Variants in TAFA1 observed in about 807,000 individuals in gnomAD.
The protein encoded by TAFA1 is TAFA chemokine like family member 1.
Under a neutral mutation model 18.5 loss-of-function variants are expected in TAFA1, and 4 were observed. That is an observed-to-expected ratio of 0.22 (90% CI 0.11 to 0.49). The LOEUF is 0.49. Among genes scored for constraint, TAFA1 ranks in the 20% least tolerant of loss-of-function variants. TAFA1 has a pLI of 0.98. For synonymous variants in TAFA1, 56 were observed against 55.2 expected, an observed-to-expected ratio of 1.01 and a Z score of -0.06; for missense variants, 147 against 169.0, an observed-to-expected ratio of 0.87 and a Z score of 0.72.
At chr3:68,178,529 G>C (rs1461131171) in intron 2 of TAFA1, among the ~76,000 whole-genome samples, 1 of 152,144 alleles carries the variant, frequency 6.6e-6, no homozygotes, top group Non-Finnish European at 1.5e-5. Flanking sequence ...GAGTGTTCAG[G>C]GAAGGCATCC....
intron 2 of TAFA1, among the ~76,000 whole-genome samples, chr3:68,366,741 T>A (rs1402156869): frequency 6.6e-6 from 1 of 152,238 alleles, no homozygotes; most frequent in Non-Finnish European, 1.5e-5. Flanking sequence ...AGAATGATTT[T>A]ACTCATCTAG....
chr3:68,015,822 A>G (rs1396238353), intron 2 of TAFA1, among the ~76,000 whole-genome samples: 1 of 152,204 alleles, frequency 6.6e-6, no homozygotes, highest in Non-Finnish European at 1.5e-5. Flanking sequence ...CTATGAATAA[A>G]GGCTACTTAT....
At chr3:68,276,476 G>T (rs2067800171) in intron 2 of TAFA1, among the ~76,000 whole-genome samples, 1 of 152,134 alleles carries the variant, frequency 6.6e-6, no homozygotes, top group East Asian at 1.9e-4. Context: ...TGTTGCAGAA[G>T]TTGTTGTGCC....
At chr3:68,102,119 C>A in intron 2 of TAFA1, among the ~76,000 whole-genome samples, 1 of 152,064 alleles carries the variant, frequency 6.6e-6, no homozygotes, top group South Asian at 2.1e-4. Context: ...CATTTTGACT[C>A]TGGAAGTTAT....
chr3:68,468,314 C>T (rs2106940487), intron 3 of TAFA1, among the ~76,000 whole-genome samples: 1 of 152,266 alleles, frequency 6.6e-6, no homozygotes, highest in East Asian at 1.9e-4. Context: ...AGGTGGTGCT[C>T]TGAAAATGGC....
chr3:68,135,162 A>G (rs73834841), intron 2 of TAFA1, among the ~76,000 whole-genome samples: 18,222 of 152,192 alleles, frequency 0.12, 1,139 homozygotes, highest in Middle Eastern at 0.17. Flanking sequence ...GCTTTGCTGA[A>G]TTACTTACAT....
At chr3:68,141,742 A>G (rs1300759187) in intron 2 of TAFA1, among the ~76,000 whole-genome samples, 1 of 152,230 alleles carries the variant, frequency 6.6e-6, no homozygotes, top group African/African-American at 2.4e-5. Context: ...AAGCAAGGCC[A>G]AACATTGAAA....
intron 3 of TAFA1, among the ~76,000 whole-genome samples, chr3:68,487,841 C>T (rs1338982525): frequency 7.1e-6 from 1 of 141,042 alleles, no homozygotes; most frequent in Non-Finnish European, 1.5e-5. Flanking sequence ...TGATAAATTA[C>T]ACATTCATCA....
At chr3:68,014,710 T>TA (rs1233977441) in intron 2 of TAFA1, among the ~76,000 whole-genome samples, 2 of 152,192 alleles carry the variant, frequency 1.3e-5, no homozygotes, top group African/African-American at 2.4e-5. Flanking sequence ...TTTTCTTATG[T>TA]AAAAAAGCAT....
At chr3:68,084,611 A>T (rs1051463088) in intron 2 of TAFA1, among the ~76,000 whole-genome samples, 11 of 152,246 alleles carry the variant, frequency 7.2e-5, no homozygotes, top group African/African-American at 2.2e-4. Context: ...CAGCCTGGCT[A>T]ACATGGTGAA....
At chr3:68,312,542 T>C (rs1235518922) in intron 2 of TAFA1, among the ~76,000 whole-genome samples, 1 of 152,162 alleles carries the variant, frequency 6.6e-6, no homozygotes, top group African/African-American at 2.4e-5. Flanking sequence ...CACTAGTCTC[T>C]TTGCTAAAAC....
intron 2 of TAFA1, among the ~76,000 whole-genome samples, chr3:68,055,368 C>G (rs1039783595): frequency 2.6e-5 from 4 of 152,104 alleles, no homozygotes; most frequent in Non-Finnish European, 4.4e-5. Context: ...GCCTCCATAT[C>G]AATAAACTCC....
the TAFA1 span, among the ~76,000 whole-genome samples, chr3:67,994,081 C>A: frequency 6.6e-6 from 1 of 152,098 alleles, no homozygotes; most frequent in African/African-American, 2.4e-5. Flanking sequence ...CTACATTTAA[C>A]AATCAAATTG....
At chr3:68,181,818 T>C (rs2066205366) in intron 2 of TAFA1, among the ~76,000 whole-genome samples, 1 of 152,108 alleles carries the variant, frequency 6.6e-6, no homozygotes, top group Non-Finnish European at 1.5e-5. Flanking sequence ...ATCTGTAAAA[T>C]AGGGTGAAAT....
chr3:68,426,666 C>T (rs2071060561), intron 3 of TAFA1, among the ~76,000 whole-genome samples: 1 of 151,790 alleles, frequency 6.6e-6, no homozygotes, highest in South Asian at 2.1e-4. Flanking sequence ...TGATAAACGG[C>T]TTACAAACTC....
At chr3:68,059,229 C>T (rs2064572274) in intron 2 of TAFA1, among the ~76,000 whole-genome samples, 1 of 151,938 alleles carries the variant, frequency 6.6e-6, no homozygotes, top group Non-Finnish European at 1.5e-5. Flanking sequence ...ATGGAAAGTG[C>T]CAGGCACAGC....
chr3:68,452,623 A>T (rs2071584980), intron 3 of TAFA1, among the ~76,000 whole-genome samples: 2 of 152,080 alleles, frequency 1.3e-5, no homozygotes, highest in African/African-American at 4.8e-5. Context: ...TGTGTCAAGC[A>T]GCCATGTGAG....
chr3:68,386,592 A>G (rs764523121), intron 2 of TAFA1, among the ~76,000 whole-genome samples: 3 of 152,130 alleles, frequency 2.0e-5, no homozygotes, highest in Non-Finnish European at 4.4e-5. Context: ...TTCTACTACC[A>G]TCTTTTTTGA....
intron 2 of TAFA1, among the ~76,000 whole-genome samples, chr3:68,173,585 T>C (rs1270421489): frequency 6.6e-6 from 1 of 152,202 alleles, no homozygotes; most frequent in African/African-American, 2.4e-5. Flanking sequence ...TTCAAACACT[T>C]AAGAAACTTG....
Sources: allele counts gnomAD v4.1 joint callset (sites outside exome capture counted in the v4.1 genomes callset), GRCh38; gene constraint gnomAD v4.1.1; transcripts MANE v1.5; gene names NCBI Gene and HGNC (gene_info 2026-07-23, HGNC 2026-07-21).